Variants in NKAIN2 observed in about 807,000 individuals in gnomAD.
NKAIN2 encodes sodium/potassium transporting ATPase interacting 2.
NKAIN2 carries 14 observed loss-of-function variants against 32.6 expected under a neutral mutation model. The observed-to-expected ratio is 0.43, with a 90% CI of 0.28 to 0.67. The LOEUF (loss-of-function observed/expected upper bound fraction) is 0.67. NKAIN2 is among the 30% of genes least tolerant of loss of function. The pLI is 0.17. For missense variants in NKAIN2, 198 were observed against 258.3 expected, an observed-to-expected ratio of 0.77 and a Z score of 1.60; for synonymous variants, 80 against 87.2, an observed-to-expected ratio of 0.92 and a Z score of 0.46.
At chr6:123,818,338 T>C (rs1442946077) in intron 1 of NKAIN2, among the ~76,000 whole-genome samples, 1 of 143,650 alleles carries the variant, frequency 7.0e-6, no homozygotes, top group African/African-American at 2.6e-5. Context: ...TAACAAATTT[T>C]CAGACTTCTT....
chr6:124,335,468 T>C (rs1046453039), intron 2 of NKAIN2, among the ~76,000 whole-genome samples: 2 of 152,198 alleles, frequency 1.3e-5, no homozygotes, highest in African/African-American at 4.8e-5. Flanking sequence ...TTTACATGAT[T>C]CTTAGAATTG....
At chr6:124,631,449 T>C (rs1428453214) in intron 3 of NKAIN2, among the ~76,000 whole-genome samples, 3 of 152,198 alleles carry the variant, frequency 2.0e-5, no homozygotes, top group Admixed American at 1.3e-4. Flanking sequence ...AAAAAAATTA[T>C]ATAATATGTG....
At chr6:124,501,446 GA>G (rs936581930) in intron 3 of NKAIN2, among the ~76,000 whole-genome samples, 2 of 151,716 alleles carry the variant, frequency 1.3e-5, no homozygotes, top group African/African-American at 2.4e-5. Context: ...GGGAAAGAAA[GA>G]AAAAAAACAA....
At chr6:124,064,281 A>G (rs781130775) in intron 1 of NKAIN2, among the ~76,000 whole-genome samples, 4 of 152,162 alleles carry the variant, frequency 2.6e-5, no homozygotes, top group Non-Finnish European at 5.9e-5. Flanking sequence ...ATAGAGTAAT[A>G]TTTTAAATAC....
At chr6:124,358,394 A>G (rs1040470176) in intron 3 of NKAIN2, among the ~76,000 whole-genome samples, 1 of 152,174 alleles carries the variant, frequency 6.6e-6, no homozygotes, top group Non-Finnish European at 1.5e-5. Context: ...TCCCACCAAC[A>G]GTGTAAAAGT....
intron 3 of NKAIN2, among the ~76,000 whole-genome samples, chr6:124,570,338 G>C (rs1244794324): frequency 1.3e-5 from 2 of 152,304 alleles, no homozygotes. Flanking sequence ...GGAGCATAAT[G>C]TTAATCCCCA....
At chr6:124,427,365 C>T (rs1392639173) in intron 3 of NKAIN2, among the ~76,000 whole-genome samples, 6 of 151,984 alleles carry the variant, frequency 3.9e-5, no homozygotes, top group African/African-American at 1.4e-4. Context: ...TGGATAAATC[C>T]CAAAATAATC....
chr6:124,347,845 A>T (rs1798509953), intron 2 of NKAIN2, among the ~76,000 whole-genome samples: 1 of 152,208 alleles, frequency 6.6e-6, no homozygotes, highest in African/African-American at 2.4e-5. Context: ...CGTCAAAGTC[A>T]TTCTCCGTCC....
chr6:124,725,429 G>A (rs971625290), intron 4 of NKAIN2, among the ~76,000 whole-genome samples: 1 of 152,020 alleles, frequency 6.6e-6, no homozygotes, highest in Non-Finnish European at 1.5e-5. Flanking sequence ...AAGTCTTTGA[G>A]TTATTTGGGC....
chr6:124,541,368 AT>A (rs1314144606), intron 3 of NKAIN2, among the ~76,000 whole-genome samples: 4 of 152,186 alleles, frequency 2.6e-5, no homozygotes, highest in Non-Finnish European at 5.9e-5. Context: ...CAGTTTCCCC[AT>A]TCATACAACA....
intron 3 of NKAIN2, among the ~76,000 whole-genome samples, chr6:124,623,195 T>A (rs1054420176): frequency 6.6e-6 from 1 of 152,192 alleles, no homozygotes; most frequent in Non-Finnish European, 1.5e-5. Context: ...CAACCCACTG[T>A]AATACTCATT....
intron 4 of NKAIN2, among the ~76,000 whole-genome samples, chr6:124,737,076 T>G (rs1776982722): frequency 6.6e-6 from 1 of 151,756 alleles, no homozygotes; most frequent in South Asian, 2.1e-4. Flanking sequence ...GTTTCAACAT[T>G]AATAGAAGTT....
intron 4 of NKAIN2, among the ~76,000 whole-genome samples, chr6:124,744,144 T>C (rs918405610): frequency 2.0e-5 from 3 of 151,910 alleles, no homozygotes; most frequent in African/African-American, 7.2e-5. Context: ...GATTAATGGC[T>C]GATGATATTA....
intron 3 of NKAIN2, among the ~76,000 whole-genome samples, chr6:124,404,360 A>G (rs1024114416): frequency 6.6e-6 from 1 of 152,174 alleles, no homozygotes; most frequent in Non-Finnish European, 1.5e-5. Context: ...ATCATTCACT[A>G]TGCCCTAGCC....
At chr6:124,390,250 C>T (rs947360283) in intron 3 of NKAIN2, among the ~76,000 whole-genome samples, 1 of 151,984 alleles carries the variant, frequency 6.6e-6, no homozygotes, top group Non-Finnish European at 1.5e-5. Context: ...TTTTAACAAA[C>T]GTTTCTTATT....
intron 3 of NKAIN2, among the ~76,000 whole-genome samples, chr6:124,581,388 G>A (rs1164798415): frequency 3.5e-5 from 5 of 142,328 alleles, no homozygotes; most frequent in South Asian, 2.2e-4. Flanking sequence ...GCAGTGAGCC[G>A]AGATTGCGCC....
intron 1 of NKAIN2, among the ~76,000 whole-genome samples, chr6:124,139,384 G>C (rs970490162): frequency 2.6e-5 from 4 of 151,760 alleles, no homozygotes; most frequent in Non-Finnish European, 1.5e-5. Flanking sequence ...CACCGCGCCC[G>C]GCCTAAATAA....
intron 3 of NKAIN2, among the ~76,000 whole-genome samples, chr6:124,465,644 A>AAG: frequency 6.6e-6 from 1 of 151,448 alleles, no homozygotes; most frequent in Non-Finnish European, 1.5e-5. Flanking sequence ...AAAAAAAAAA[A>AAG]AAGAAATTCC....
chr6:124,515,465 A>G (rs1179485020), intron 3 of NKAIN2, among the ~76,000 whole-genome samples: 2 of 151,968 alleles, frequency 1.3e-5, no homozygotes, highest in East Asian at 3.9e-4. Context: ...GAGAGGAAGC[A>G]AGAGAGAGGT....
Sources: gnomAD v4.1 joint callset for allele counts (sites outside exome capture counted in the v4.1 genomes callset) on GRCh38, gnomAD v4.1.1 for gene constraint, MANE v1.5 for transcripts, NCBI Gene and HGNC (gene_info 2026-07-23, HGNC 2026-07-21) for gene names.